Variants in HS3ST4 observed in about 807,000 individuals in gnomAD.
The protein encoded by HS3ST4 is heparan sulfate glucosamine 3-O-sulfotransferase 4.
Under a neutral mutation model 29.2 loss-of-function variants are expected in HS3ST4, and 17 were observed. The ratio of observed to expected loss-of-function variants is 0.58; its 90% CI spans 0.40 to 0.87. HS3ST4 has a LOEUF of 0.87. Ranked by LOEUF, HS3ST4 falls within the 40% of genes least tolerant of loss-of-function variation. The probability of loss-of-function intolerance (pLI) is 0.00; values close to 1 mark genes in which losing one functional copy is unlikely to be tolerated. For missense variants in HS3ST4, 627 were observed against 634.5 expected, an observed-to-expected ratio of 0.99 and a Z score of 0.13; for synonymous variants, 314 against 285.7, an observed-to-expected ratio of 1.10 and a Z score of -1.00.
chr16:25,987,254 G>C (rs984722592), intron 1 of HS3ST4, among the ~76,000 whole-genome samples: 7 of 152,102 alleles, frequency 4.6e-5, no homozygotes, highest in African/African-American at 1.7e-4. Context: ...GGAAGCTGAG[G>C]CAGGAGAATC....
chr16:25,754,904 C>T (rs1243603603), intron 1 of HS3ST4, among the ~76,000 whole-genome samples: 1 of 151,404 alleles, frequency 6.6e-6, no homozygotes, highest in African/African-American at 2.4e-5. Context: ...CATCAACCTG[C>T]CCATCCACCC....
intron 1 of HS3ST4, among the ~76,000 whole-genome samples, chr16:26,100,342 A>G (rs1257042739): frequency 6.6e-6 from 1 of 152,182 alleles, no homozygotes; most frequent in Admixed American, 6.5e-5. Context: ...ACGAAGAAAA[A>G]GAAAGAAAAT....
rs7191933 is a variant in HS3ST4 at position 25,712,626 on chromosome 16, A to G, written c.734+19475A>G. On this transcript the variant is annotated intron_variant, in intron 1 of 1. Coordinates refer to ENST00000331351, the MANE Select transcript of HS3ST4 (RefSeq NM_006040.3). ...GAGTATTAGAAGGCAGTACGGATAT[A>G]TCTTAATAATATTGGGATGGCAAAA... Among the ~76,000 whole-genome samples the G allele has an allele frequency of 2.3e-3, 353 of 152,318 alleles. 2 individuals carry two copies. The highest frequency in any genetic ancestry group is 7.8e-3 in the African/African-American group (326 of 41,576).
At chr16:25,901,968 T>A (rs895654501) in intron 1 of HS3ST4, among the ~76,000 whole-genome samples, 13 of 152,226 alleles carry the variant, frequency 8.5e-5, no homozygotes, top group African/African-American at 3.1e-4. Context: ...TCTTATCATA[T>A]GTCTGTGTCT....
chr16:25,750,390 C>T (rs572457781), intron 1 of HS3ST4, among the ~76,000 whole-genome samples: 3 of 152,286 alleles, frequency 2.0e-5, no homozygotes, highest in African/African-American at 7.2e-5. Flanking sequence ...CAATCACTAG[C>T]CCAACTGTGT....
intron 1 of HS3ST4, among the ~76,000 whole-genome samples, chr16:25,857,924 C>CTTTCTTTCTTTCTT (rs1967594595): frequency 2.4e-5 from 1 of 42,172 alleles, no homozygotes; most frequent in African/African-American, 1.4e-4. Flanking sequence ...TCCTTCCTTT[C>CTTTCTTTCTTTCTT]TTTCTTTCTT....
rs1310059715 is a variant in HS3ST4, at chr16:25,928,351, C to T, written c.735-207261C>T. On this transcript the variant is annotated intron_variant, in intron 1 of 1. Coordinates refer to ENST00000331351, the MANE Select transcript of HS3ST4 (RefSeq NM_006040.3). ...TTGCACTCCAGCCTGGGCAACAGAG[C>T]GAGACCCCATCTCTATTAAAAAATA... is the stretch of plus-strand genomic sequence containing the variant. 6.7e-5 allele frequency among the ~76,000 whole-genome samples: 10 copies of T among 150,184 alleles called. 1 individual carries two copies. Among genetic ancestry groups the T allele is most frequent in the Admixed American group, 6.0e-4 (9 of 14,882 alleles).
intron 1 of HS3ST4, among the ~76,000 whole-genome samples, chr16:25,845,026 A>T (rs34758595): frequency 0.28 from 41,982 of 151,796 alleles, 6,502 homozygotes; most frequent in Admixed American, 0.34. Context: ...GGAGGGGAAC[A>T]TCATACACTG....
In HS3ST4 at chr16:25,789,349, C is replaced by T. The variant is rs568810945; in HGVS notation, c.734+96198C>T. 2.0e-5 allele frequency among the ~76,000 whole-genome samples: 3 copies of T among 150,248 alleles called. No homozygotes were observed. The South Asian group carries it at 6.4e-4, about 32-fold the overall frequency. The stretch of plus-strand genomic sequence containing the variant: ...CTCCATTTTCTCCTCCCTCTCCTTC[C>T]TTCTTTCCTTTCCCTCTCTCTCTTT... On this transcript the variant is annotated intron_variant, in intron 1 of 1. Transcript: ENST00000331351.
intron 1 of HS3ST4, among the ~76,000 whole-genome samples, chr16:25,788,367 G>A (rs80280439): frequency 0.029 from 4,310 of 150,164 alleles, 171 homozygotes; most frequent in East Asian, 0.22. Flanking sequence ...GTGAGTCAAG[G>A]TTGTGCCATT....
intron 1 of HS3ST4, among the ~76,000 whole-genome samples, chr16:25,962,748 G>A (rs1387243238): frequency 6.6e-6 from 1 of 152,172 alleles, no homozygotes; most frequent in African/African-American, 2.4e-5. Flanking sequence ...ACTTTATTCT[G>A]TTCCATTCGG....
At chr16:25,919,315 C>A (rs1968323895) in intron 1 of HS3ST4, among the ~76,000 whole-genome samples, 1 of 152,142 alleles carries the variant, frequency 6.6e-6, no homozygotes. Context: ...CAGGTGAGAG[C>A]CACTGCACTC....
intron 1 of HS3ST4, among the ~76,000 whole-genome samples, chr16:25,745,207 A>C (rs564065408): frequency 6.6e-6 from 1 of 152,250 alleles, no homozygotes; most frequent in African/African-American, 2.4e-5. Flanking sequence ...CTATTACTAA[A>C]GATGAAGGAG....
chr16:25,961,914 T>A (rs369834141), intron 1 of HS3ST4, among the ~76,000 whole-genome samples: 2 of 152,250 alleles, frequency 1.3e-5, no homozygotes, highest in South Asian at 2.1e-4. Context: ...CTCCCAATTA[T>A]GTATGCACAT....
At chr16:25,901,532 G>T (rs568685426) in intron 1 of HS3ST4, among the ~76,000 whole-genome samples, 1 of 152,154 alleles carries the variant, frequency 6.6e-6, no homozygotes, top group Non-Finnish European at 1.5e-5. Context: ...TTAGCCAGGC[G>T]TGGTGGCTGG....
At chr16:25,761,183 C>A (rs114388475) in intron 1 of HS3ST4, among the ~76,000 whole-genome samples, 1 of 152,134 alleles carries the variant, frequency 6.6e-6, no homozygotes, top group Non-Finnish European at 1.5e-5. Context: ...CTGCTTCAGT[C>A]GTATCTTGCC....
At chr16:25,785,516 T>C (rs1966856595) in intron 1 of HS3ST4, among the ~76,000 whole-genome samples, 1 of 152,200 alleles carries the variant, frequency 6.6e-6, no homozygotes, top group Admixed American at 6.5e-5. Context: ...CTAGTAGTCA[T>C]GGAGCTACAA....
intron 1 of HS3ST4, among the ~76,000 whole-genome samples, chr16:26,002,423 T>C (rs529193214): frequency 6.6e-6 from 1 of 152,170 alleles, no homozygotes; most frequent in South Asian, 2.1e-4. Context: ...TGGGGCGTAG[T>C]TGGACCAAGT....
chr16:25,750,439 A>G (rs1430368838), intron 1 of HS3ST4, among the ~76,000 whole-genome samples: 1 of 152,214 alleles, frequency 6.6e-6, no homozygotes, highest in East Asian at 1.9e-4. Context: ...CCATGGGAGA[A>G]ATGTCATGGA....
Sources: allele counts gnomAD v4.1 joint callset (sites outside exome capture counted in the v4.1 genomes callset), GRCh38; gene constraint gnomAD v4.1.1; transcripts MANE v1.5; gene names NCBI Gene and HGNC (gene_info 2026-07-23, HGNC 2026-07-21).